Variants in CALCOCO2 observed in about 807,000 individuals in gnomAD.
The protein encoded by CALCOCO2 is calcium binding and coiled-coil domain 2, also known as calcium-binding and coiled-coil domain-containing protein 2.
In CALCOCO2, 42 loss-of-function variants were observed where a neutral mutation model predicts 62.5. That is an observed-to-expected ratio of 0.67 (90% CI 0.53 to 0.87). CALCOCO2 has a LOEUF of 0.87. Ranked by LOEUF, CALCOCO2 falls within the 40% of genes least tolerant of loss-of-function variation. The pLI, the probability that CALCOCO2 is intolerant of heterozygous loss-of-function variation, is 0.00. For synonymous variants in CALCOCO2, 167 were observed against 173.0 expected (o/e 0.97, Z 0.27); for missense variants, 456 against 515.0 (o/e 0.89, Z 1.11).
Position 48,847,494 on chromosome 17 carries a change from C to G in CALCOCO2, c.181-570C>G, listed in dbSNP as rs1034720392. Among the ~76,000 whole-genome samples the G allele has an allele frequency of 2.0e-5, 3 of 152,054 alleles. No individual in the cohort carries two copies. In the East Asian group the frequency reaches 5.8e-4, roughly 29 times the overall value. On this transcript the variant is annotated intron_variant, in intron 2 of 12. Coordinates refer to ENST00000258947, the MANE Select transcript of CALCOCO2 (RefSeq NM_005831.5). ...GTGAGGAGCTAGTTTTCAAATCCTT[C>G]TAAGACTTGTATTTTGAGCTGTGTA...
At chr17:48,839,159 C>A (rs1598025601) in intron 1 of CALCOCO2, among the ~76,000 whole-genome samples, 1 of 151,746 alleles carries the variant, frequency 6.6e-6, no homozygotes, top group Non-Finnish European at 1.5e-5. Context: ...AGGCACCCGC[C>A]ACCACGCCCG....
intron 1 of CALCOCO2, among the ~76,000 whole-genome samples, chr17:48,835,740 C>T (rs1373814988): frequency 6.8e-6 from 1 of 146,820 alleles, no homozygotes; most frequent in African/African-American, 2.7e-5. Context: ...CTTTTCTTTT[C>T]TTTTCTTTTC....
intron 2 of CALCOCO2, among the ~76,000 whole-genome samples, chr17:48,845,162 A>T (rs757944756): frequency 6.6e-6 from 1 of 151,938 alleles, no homozygotes; most frequent in East Asian, 1.9e-4. Context: ...TTAAAGATGT[A>T]TCTATATTTG....
intron 1 of CALCOCO2, among the ~76,000 whole-genome samples, chr17:48,837,815 TG>T (rs1446016327): frequency 6.6e-6 from 1 of 152,198 alleles, no homozygotes; most frequent in Non-Finnish European, 1.5e-5. Context: ...AACTGACTTC[TG>T]GGGAGTTGGA....
chr17:48,848,256 G>T (rs1040992290), intron 3 of CALCOCO2, 66 bp from the exon 4 acceptor site: 1 of 1,569,846 alleles, frequency 6.4e-7, no homozygotes, highest in Non-Finnish European at 8.7e-7. Context: ...CAGATAAAAA[G>T]ATTTCCAGAA....
chr17:48,851,862 T>G (rs2040136104), intron 7 of CALCOCO2, among the ~76,000 whole-genome samples: 2 of 151,262 alleles, frequency 1.3e-5, no homozygotes, highest in Non-Finnish European at 2.9e-5. Flanking sequence ...CCGGGCGCAG[T>G]GGCTCATGTC....
intron 10 of CALCOCO2, 119 bp downstream of exon 10, chr17:48,856,306 C>T: frequency 5.1e-6 from 3 of 590,448 alleles, no homozygotes; most frequent in Non-Finnish European, 9.1e-6. Context: ...GTGGGTGAAA[C>T]AGTTGTTCCT....
chr17:48,837,647 A>T (rs2039912904), intron 1 of CALCOCO2, among the ~76,000 whole-genome samples: 1 of 152,104 alleles, frequency 6.6e-6, no homozygotes, highest in African/African-American at 2.4e-5. Flanking sequence ...CTCTGTCTAA[A>T]AAAAAAAAAT....
At chr17:48,850,805 C>T (rs942245071) in intron 5 of CALCOCO2, among the ~76,000 whole-genome samples, 1 of 151,834 alleles carries the variant, frequency 6.6e-6, no homozygotes, top group African/African-American at 2.4e-5. Context: ...GTAATCCCAG[C>T]ACTTTGGGAG....
chr17:48,855,959 A>G (rs1194086026), intron 9 of CALCOCO2, 133 bp from the exon 10 acceptor site: 2 of 439,752 alleles, frequency 4.5e-6, no homozygotes, highest in Admixed American at 3.6e-5. Flanking sequence ...CCATAGTACC[A>G]TTTCTTCCTC....
intron 8 of CALCOCO2, 137 bp from the exon 9 acceptor site, chr17:48,852,789 T>G (rs1567756569): frequency 2.0e-6 from 2 of 980,150 alleles, no homozygotes; most frequent in African/African-American, 1.6e-5. Flanking sequence ...CTCATGGCTT[T>G]CTTCAGAAAC....
At chr17:48,842,621 A>C (rs76203831) in intron 2 of CALCOCO2, 1 of 73,526 alleles carries the variant, frequency 1.4e-5, no homozygotes, top group South Asian at 5.5e-4. Context: ...ACAGGTATGC[A>C]GAACAATGCC....
In CALCOCO2 at chr17:48,851,645, G is replaced by A; in HGVS notation, c.702+17G>A. 6.9e-7 allele frequency: 1 copy of A among 1,453,506 alleles called. No homozygotes were observed. Among genetic ancestry groups the A allele is most frequent in the African/African-American group, 1.4e-5 (1 of 71,918 alleles). 90.0% of individuals were successfully genotyped at this position (1,453,506 alleles called of 1,614,324 possible). On this transcript the variant is annotated intron_variant, in intron 7 of 12. Coordinates refer to ENST00000258947, the MANE Select transcript of CALCOCO2 (RefSeq NM_005831.5). ...CAGCTTCAGGTAGGTAATGCCATAT[G>A]TTTGTCAAAGGATATTTTCTTAGCC...
chr17:48,832,863 C>G (rs956802252), intron 1 of CALCOCO2, among the ~76,000 whole-genome samples: 10 of 152,160 alleles, frequency 6.6e-5, no homozygotes, highest in Non-Finnish European at 1.5e-4. Context: ...TCCATCTTCC[C>G]CTAGAACTGG....
intron 5 of CALCOCO2, among the ~76,000 whole-genome samples, chr17:48,850,598 T>C (rs1259208972): frequency 6.6e-6 from 1 of 152,214 alleles, no homozygotes; most frequent in Non-Finnish European, 1.5e-5. Context: ...AACAGCGCTG[T>C]TCTAGGAAAA....
intron 5 of CALCOCO2, among the ~76,000 whole-genome samples, chr17:48,850,726 G>A (rs1464543457): frequency 6.6e-6 from 1 of 152,032 alleles, no homozygotes; most frequent in African/African-American, 2.4e-5. Flanking sequence ...CCAGTGGAAT[G>A]AGAAATTAAG....
chr17:48,837,181 G>C (rs1306871776), intron 1 of CALCOCO2, among the ~76,000 whole-genome samples: 1 of 152,266 alleles, frequency 6.6e-6, no homozygotes, highest in East Asian at 1.9e-4. Flanking sequence ...GGATATGCTG[G>C]CCTCCATATG....
chr17:48,863,048 G>C lies in CALCOCO2; in HGVS notation c.*43G>C, dbSNP rs763207480. On this transcript the variant is annotated 3_prime_UTR_variant, in exon 13 of 13. Coordinates refer to ENST00000258947, the MANE Select transcript of CALCOCO2 (RefSeq NM_005831.5). ...ATGTATACAGAGATTTTATAGAATA[G>C]AACCTATAGCTTCTACCATGAGTTA... The C allele has an allele frequency of 7.1e-7, 1 of 1,400,910 alleles. No individual in the cohort carries two copies. Among genetic ancestry groups the C allele is most frequent in the Non-Finnish European group, 1.0e-6 (1 of 985,996 alleles). 86.8% of individuals were successfully genotyped at this position (1,400,910 alleles called of 1,614,324 possible). A position where few individuals can be genotyped will look rare whatever the true frequency, so the allele number is the denominator to read the frequency against.
rs1361552530 is a variant in CALCOCO2 at position 48,864,829 on chromosome 17, A to G, written c.*1824A>G. The G allele has an allele frequency of 1.3e-5, 2 of 152,224 alleles. No homozygotes were observed. The highest frequency in any genetic ancestry group is 2.9e-5 in the Non-Finnish European group (2 of 68,036). 9.4% of individuals were successfully genotyped at this position (152,224 alleles called of 1,614,324 possible). ...GATTAACACTAACCCTAGAATAGAA[A>G]TGTAATAGGGAGATGGTAATAAAGG... On this transcript the variant is annotated 3_prime_UTR_variant, in exon 13 of 13. Coordinates refer to ENST00000258947, the MANE Select transcript of CALCOCO2 (RefSeq NM_005831.5).
Sources: gnomAD v4.1 joint callset for allele counts (sites outside exome capture counted in the v4.1 genomes callset) on GRCh38, gnomAD v4.1.1 for gene constraint, MANE v1.5 for transcripts, NCBI Gene and HGNC (gene_info 2026-07-23, HGNC 2026-07-21) for gene names.